The following GCN1 variants were observed in gnomAD, a reference collection of about 807,000 sequenced individuals.
GCN1 encodes stalled ribosome sensor GCN1.
Under a neutral mutation model 288.4 loss-of-function variants are expected in GCN1, and 90 were observed. The ratio of observed to expected loss-of-function variants is 0.31; its 90% confidence interval spans 0.26 to 0.37. The LOEUF (loss-of-function observed/expected upper bound fraction) is 0.37. Among genes scored for constraint, GCN1 ranks in the 10% least tolerant of loss-of-function variants. The pLI is 1.00. For missense variants in GCN1, 2,586 were observed against 3,419.9 expected (o/e 0.76, Z 6.08); for synonymous variants, 1,386 against 1,420.2 (o/e 0.98, Z 0.54).
intron 56 of GCN1, 116 bp from the exon 57 acceptor site, chr12:120,129,610 C>T (rs1594255949): frequency 1.3e-6 from 1 of 753,768 alleles, no homozygotes; most frequent in Non-Finnish European, 2.3e-6. Context: ...CCCCCCTGCT[C>T]CTGTGGGAGG....
In GCN1 at chr12:120,159,979, G is replaced by C; in HGVS notation, c.2595C>G (p.Ile865Met). 6.2e-7 allele frequency: 1 copy of C among 1,614,174 alleles called. No individual in the cohort carries two copies. The highest frequency in any genetic ancestry group is 8.5e-7 in the Non-Finnish European group (1 of 1,180,012). Residue 865 changes from isoleucine to methionine, a missense_variant, in exon 24 of 58, where the codon ATC (isoleucine) becomes ATG (methionine). By Grantham distance (10) the Ile-to-Met change is conservative. Around this residue, in one of 8 missense-constraint regions of GCN1, gnomAD observed 913 missense variants for 1,107.0 expected, o/e 0.82. Transcript: ENST00000300648. ...TCAGGCCGGACGGGTTCTTGGCCAG[G>C]ATGATGTCCAGCAGTCCAAGCGCCG... ...LEAALGLLDI[I>M]LAKNPSGLTQ... is the part of the protein sequence containing the mutation.
Position 120,167,675 on chromosome 12 carries a change from C to T in GCN1, c.1612+533G>A, listed in dbSNP as rs145474189. 5.2e-3 allele frequency among the ~76,000 whole-genome samples: 783 copies of T among 151,618 alleles called. 12 individuals are homozygous for T. Among genetic ancestry groups the T allele is most frequent in the African/African-American group, 0.017 (718 of 41,392 alleles). On this transcript the variant is annotated intron_variant, in intron 16 of 57. Coordinates refer to ENST00000300648, the MANE Select transcript of GCN1 (RefSeq NM_006836.2). ...TTTCAAAATTTAGCTAAAAATTTTT[C>T]TAAAACCAGGAAATGACTAACAGTT...
intron 2 of GCN1, among the ~76,000 whole-genome samples, chr12:120,186,085 G>A (rs1393093604): frequency 6.6e-6 from 1 of 152,012 alleles, no homozygotes; most frequent in African/African-American, 2.4e-5. Flanking sequence ...TGTAATCCCA[G>A]CACTTTGGGA....
chr12:120,163,807 C>T (rs1439987718), intron 18 of GCN1, among the ~76,000 whole-genome samples: 1 of 152,120 alleles, frequency 6.6e-6, no homozygotes, highest in Non-Finnish European at 1.5e-5. Context: ...GCTTTAAAAA[C>T]ATAAAGTGTT....
At chr12:120,170,060 G>T in intron 15 of GCN1, 109 bp downstream of exon 15, 1 of 927,734 alleles carries the variant, frequency 1.1e-6, no homozygotes, top group Non-Finnish European at 1.7e-6. Flanking sequence ...ACCTGTGGCT[G>T]ATCCAGTGTG....
At chr12:120,193,777 A>G (rs1190359061) in intron 1 of GCN1, among the ~76,000 whole-genome samples, 1 of 152,204 alleles carries the variant, frequency 6.6e-6, no homozygotes, top group East Asian at 1.9e-4. Context: ...ATTCAGTACA[A>G]CATAACTTGA....
At chr12:120,183,225 T>C (rs1247591889) in intron 5 of GCN1, among the ~76,000 whole-genome samples, 1 of 151,828 alleles carries the variant, frequency 6.6e-6, no homozygotes, top group Non-Finnish European at 1.5e-5. Context: ...ATTTACACTA[T>C]GATATTTTCT....
intron 57 of GCN1, 144 bp downstream of exon 57, chr12:120,129,132 G>C (rs1876725544): frequency 5.5e-6 from 4 of 730,810 alleles, no homozygotes; most frequent in Non-Finnish European, 9.2e-6. Flanking sequence ...CCCGGCCCCA[G>C]TCACCCAAAT....
intron 15 of GCN1, among the ~76,000 whole-genome samples, chr12:120,169,276 C>CAAAAAAAA (rs35819206): frequency 5.6e-4 from 37 of 66,522 alleles, no homozygotes; most frequent in Admixed American, 7.8e-4. Flanking sequence ...AACTCCGTCT[C>CAAAAAAAA]AAAAAAAAAA....
intron 37 of GCN1, among the ~76,000 whole-genome samples, chr12:120,147,644 T>C (rs1035406696): frequency 1.3e-5 from 2 of 152,248 alleles, no homozygotes; most frequent in African/African-American, 4.8e-5. Context: ...TCCCTATAGC[T>C]TTATAAATTT....
chr12:120,147,481 G>A (rs1416811231), intron 37 of GCN1, among the ~76,000 whole-genome samples: 1 of 152,164 alleles, frequency 6.6e-6, no homozygotes, highest in African/African-American at 2.4e-5. Flanking sequence ...TGATCCGCCC[G>A]CCTCAGCCTC....
chr12:120,173,639 G>T lies in GCN1; in HGVS notation c.1366+14C>A. 2 of 1,539,564 alleles carry T rather than the reference G, an allele frequency of 1.3e-6. No individual in the cohort carries two copies. The highest frequency in any genetic ancestry group is 9.0e-7 in the Non-Finnish European group (1 of 1,112,970). On this transcript the variant is annotated intron_variant, in intron 14 of 57. Transcript: ENST00000300648. ...GCAAGGAGACCTGGACACTAGCCCT[G>T]GGAGTTGTCTTACCCCGGTAAGAGG...
intron 4 of GCN1, 60 bp from the exon 5 acceptor site, chr12:120,183,737 T>G (rs1341437581): frequency 1.0e-6 from 1 of 995,050 alleles, no homozygotes; most frequent in African/African-American, 1.6e-5. Context: ...GGACGAACAC[T>G]GTCCCTAAGG....
rs1878273585 is a variant in GCN1 at position 120,170,197 on chromosome 12, T to C, written c.1491A>G (p.Leu497=). 6.2e-7 allele frequency: 1 copy of C among 1,614,060 alleles called. No homozygotes were observed. The highest frequency in any genetic ancestry group is 8.5e-7 in the Non-Finnish European group (1 of 1,180,038). ...TEGVAAALLL[L]KLSVADSQAE... ...CCTGTGAGTCAGCCACTGACAACTTTAAGAGCAACAAGGCTGCGGCAACCC... is the reference window on the plus strand; with the variant it reads ...CCTGTGAGTCAGCCACTGACAACTTCAAGAGCAACAAGGCTGCGGCAACCC... The change falls in exon 15 of 58, where the codon TTA becomes TTG. Residue 497 remains leucine (L), a synonymous_variant. Coordinates refer to ENST00000300648, the MANE Select transcript of GCN1 (RefSeq NM_006836.2).
Position 120,129,359 on chromosome 12 carries a change from C to A in GCN1, c.7807G>T (p.Asp2603Tyr). Reference protein sequence around the residue: ...ILKALLDNTKDKNTVVRAYSD... With the variant: ...ILKALLDNTKYKNTVVRAYSD... ...TAGGCCCTGACCACGGTGTTCTTATCCTTGGTGTTGTCAAGAAGAGCCTTC... is the reference window on the plus strand; with the variant it reads ...TAGGCCCTGACCACGGTGTTCTTATACTTGGTGTTGTCAAGAAGAGCCTTC... Residue 2603 changes from aspartate to tyrosine, a missense_variant, in exon 57 of 58, where the codon GAT becomes TAT. Asp to Tyr is a radical substitution (Grantham distance 160). This residue lies in a region of GCN1 where 355 missense variants were observed against 431.1 expected (regional missense o/e 0.82). Coordinates refer to ENST00000300648, the MANE Select transcript of GCN1 (RefSeq NM_006836.2). 1 of 1,614,154 alleles carries A rather than the reference C, an allele frequency of 6.2e-7. No homozygotes were observed. The highest frequency in any genetic ancestry group is 8.5e-7 in the Non-Finnish European group (1 of 1,180,006).
Position 120,137,915 on chromosome 12 carries a change from G to T in GCN1, c.6379C>A (p.Pro2127Thr). ...MLALKEKLGT[P>T]DEQLEMANCQ... ...TCGCCCCTTACCAGCTGCTCATCTG[G>T]GGTCCCAAGCTTTTCCTTCAGGGCC... The change falls in exon 48 of 58, where the codon CCA becomes ACA. Residue 2127 changes from proline to threonine, a missense_variant. Physicochemically the swap from Pro to Thr is conservative, Grantham distance 38. Coordinates refer to ENST00000300648, the MANE Select transcript of GCN1 (RefSeq NM_006836.2). The surrounding 1 kb of genome is among the most constrained non-coding windows in gnomAD (Gnocchi z 5.2). 6.2e-7 allele frequency: 1 copy of T among 1,614,182 alleles called. No individual in the cohort carries two copies. Among genetic ancestry groups the T allele is most frequent in the African/African-American group, 1.3e-5 (1 of 75,026 alleles).
intron 55 of GCN1, 135 bp downstream of exon 55, chr12:120,131,050 C>T: frequency 7.8e-6 from 6 of 769,870 alleles, no homozygotes; most frequent in Non-Finnish European, 1.1e-5. Context: ...TCCAAGGGCA[C>T]AGCAAGTTAC....
chr12:120,153,044 T>G lies in GCN1; in HGVS notation c.4062+169A>C, dbSNP rs1219453642. On this transcript the variant is annotated intron_variant, in intron 33 of 57. Coordinates refer to ENST00000300648, the MANE Select transcript of GCN1 (RefSeq NM_006836.2). This position sits in a 1 kb window ranked among gnomAD's most constrained non-coding sequence, Gnocchi z 4.4. ...AAAGAAACTCCCTCTCCAGGAGTGT[T>G]CCTGACTATAAACCAGGCTCTCCCC... 1.3e-5 allele frequency among the ~76,000 whole-genome samples: 2 copies of G among 152,150 alleles called. No individual in the cohort carries two copies. Among genetic ancestry groups the G allele is most frequent in the African/African-American group, 4.8e-5 (2 of 41,412 alleles).
chr12:120,146,265 C>CAAA (rs59213540), intron 38 of GCN1, among the ~76,000 whole-genome samples: 1 of 61,310 alleles, frequency 1.6e-5, no homozygotes, highest in Non-Finnish European at 3.4e-5. Context: ...GACTCCATCT[C>CAAA]AAAAAAAAAA....
Sources: gnomAD v4.1 joint callset for allele counts (sites outside exome capture counted in the v4.1 genomes callset) on GRCh38, gnomAD v4.1.1 for gene constraint, gnomAD v4.1.1 regional missense constraint, Gnocchi (gnomAD v3.1) non-coding constraint, MANE v1.5 for transcripts, NCBI Gene and HGNC (gene_info 2026-07-23, HGNC 2026-07-21) for gene names.